The following REV3L variants were observed in gnomAD, a reference collection of about 807,000 sequenced individuals.
REV3L encodes REV3 like, DNA directed polymerase zeta catalytic subunit.
A neutral mutation model predicts 299.4 loss-of-function variants in REV3L; 69 were observed. That is an observed-to-expected ratio of 0.23 (90% confidence interval 0.19 to 0.28). The LOEUF is 0.28. Among genes scored for constraint, REV3L ranks in the 10% least tolerant of loss-of-function variants. The probability of loss-of-function intolerance (pLI) is 1.00; values close to 1 mark genes in which losing one functional copy is unlikely to be tolerated. For missense variants in REV3L, 3,128 were observed against 3,693.8 expected (o/e 0.85, Z 3.97); for synonymous variants, 1,238 against 1,271.4 (o/e 0.97, Z 0.56).
chr6:111,349,159 A>T, intron 20 of REV3L, 59 bp downstream of exon 20: 13 of 874,792 alleles, frequency 1.5e-5, no homozygotes, highest in Non-Finnish European at 2.5e-5. Flanking sequence ...TATAATGATT[A>T]AATCATTATA....
intron 1 of REV3L, among the ~76,000 whole-genome samples, chr6:111,442,174 T>C (rs1004429613): frequency 6.6e-6 from 1 of 152,236 alleles, no homozygotes; most frequent in African/African-American, 2.4e-5. Context: ...ACTGAGTTGG[T>C]TGACAGTGTT....
intron 21 of REV3L, 110 bp from the exon 22 acceptor site, chr6:111,335,720 G>A: frequency 9.0e-7 from 1 of 1,106,624 alleles, no homozygotes; most frequent in South Asian, 1.7e-5. Context: ...GTTACTTAAG[G>A]AAAGAGTAAT....
In REV3L at chr6:111,398,433, GAAAA is replaced by G. The variant is rs34635053; in HGVS notation, c.566-5465_566-5462del. 2.7e-5 allele frequency among the ~76,000 whole-genome samples: 4 copies of G among 147,922 alleles called. No individual in the cohort carries two copies. The South Asian group carries it at 8.6e-4, about 32-fold the overall frequency. On this transcript the variant is annotated intron_variant, in intron 4 of 31. Transcript: ENST00000368802. ...CATGTGGGGGGAAAAAAAGAAAAAA[GAAAA>G]AAAAAATTGTCCCATTTACATACTT... is the stretch of plus-strand genomic sequence containing the variant.
At chr6:111,332,704 TTAA>T (rs1775520708) in intron 23 of REV3L, among the ~76,000 whole-genome samples, 1 of 152,224 alleles carries the variant, frequency 6.6e-6, no homozygotes, top group Non-Finnish European at 1.5e-5. Flanking sequence ...TTTACATTAA[TTAA>T]TAAAACCTAA....
chr6:111,389,633 C>A (rs1313487279), intron 6 of REV3L, among the ~76,000 whole-genome samples: 1 of 151,572 alleles, frequency 6.6e-6, no homozygotes. Flanking sequence ...AGTATAGAAG[C>A]AATCTTCATA....
intron 3 of REV3L, among the ~76,000 whole-genome samples, chr6:111,409,562 C>A (rs1784030221): frequency 6.6e-6 from 1 of 152,016 alleles, no homozygotes; most frequent in Non-Finnish European, 1.5e-5. Flanking sequence ...ATACAAATCC[C>A]CTGAAAGGGT....
intron 5 of REV3L, among the ~76,000 whole-genome samples, chr6:111,390,617 G>A (rs979260221): frequency 2.0e-5 from 3 of 152,074 alleles, no homozygotes; most frequent in Non-Finnish European, 2.9e-5. Flanking sequence ...GGGAAGGTGA[G>A]CACACTGAGA....
chr6:111,470,997 A>AAAAT (rs1174605304), intron 1 of REV3L, among the ~76,000 whole-genome samples: 1 of 152,144 alleles, frequency 6.6e-6, no homozygotes, highest in Non-Finnish European at 1.5e-5. Context: ...TAAATAAATA[A>AAAAT]AAATAAATAA....
At chr6:111,430,782 G>A (rs1323653780) in intron 1 of REV3L, 14 of 1,607,100 alleles carry the variant, frequency 8.7e-6, no homozygotes, top group South Asian at 1.1e-5. Context: ...CAGCTTGACC[G>A]CATCGTGAAG....
At chr6:111,370,055 T>A (rs551063702) in intron 13 of REV3L, among the ~76,000 whole-genome samples, 35 of 152,210 alleles carry the variant, frequency 2.3e-4, no homozygotes, top group Middle Eastern at 3.4e-3. Flanking sequence ...ATGGTCTCGA[T>A]CTCCTGACCT....
chr6:111,470,174 TCA>T lies in REV3L; in HGVS notation c.139+12574_139+12575del, dbSNP rs6149753. ...TAAGAGTACCAGGGTTTACTATCTC[TCA>T]CACACACACACACACACACACACAC... is the stretch of plus-strand genomic sequence containing the variant. On this transcript the variant is annotated intron_variant, in intron 1 of 31. Transcript: ENST00000368802. Among the ~76,000 whole-genome samples, 844 of 150,320 alleles carry T rather than the reference TCA, an allele frequency of 5.6e-3. 5 individuals are homozygous for T. Among genetic ancestry groups the T allele is most frequent in the Non-Finnish European group, 8.7e-3 (584 of 67,376 alleles).
rs535179044 is a variant in REV3L at position 111,423,111 on chromosome 6, A to G, written c.140-6639T>C. 5.9e-5 allele frequency among the ~76,000 whole-genome samples: 9 copies of G among 151,502 alleles called. No individual in the cohort carries two copies. The South Asian group carries it at 1.7e-3, about 28-fold the overall frequency. ...TACTCAAGTAATTTGTGGAGACCCAATGTTTGGTGCTAAACCATAGGCTGC... is the reference window on the plus strand; with the variant it reads ...TACTCAAGTAATTTGTGGAGACCCAGTGTTTGGTGCTAAACCATAGGCTGC... On this transcript the variant is annotated intron_variant, in intron 1 of 31. Transcript: ENST00000368802.
intron 29 of REV3L, chr6:111,310,357 A>C (rs1201730909): frequency 3.5e-6 from 1 of 282,890 alleles, no homozygotes; most frequent in Non-Finnish European, 6.4e-6. Flanking sequence ...GCAGATATCA[A>C]CTAGCTTAAG....
At chr6:111,402,494 C>T (rs1028107085) in intron 4 of REV3L, among the ~76,000 whole-genome samples, 1 of 152,156 alleles carries the variant, frequency 6.6e-6, no homozygotes, top group Non-Finnish European at 1.5e-5. Flanking sequence ...GCGTTCTATT[C>T]CCTTTTGGCC....
intron 9 of REV3L, among the ~76,000 whole-genome samples, chr6:111,386,189 A>G (rs927498512): frequency 1.3e-5 from 2 of 152,230 alleles, no homozygotes; most frequent in African/African-American, 2.4e-5. Flanking sequence ...GCACATAGCC[A>G]TAAGGAGACA....
At chr6:111,441,008 T>C (rs1788202759) in intron 1 of REV3L, among the ~76,000 whole-genome samples, 1 of 152,248 alleles carries the variant, frequency 6.6e-6, no homozygotes, top group Admixed American at 6.5e-5. Flanking sequence ...TTTTCGCCTC[T>C]GGTTTCTTTC....
intron 4 of REV3L, among the ~76,000 whole-genome samples, chr6:111,400,532 T>C (rs1782978834): frequency 6.6e-6 from 1 of 152,228 alleles, no homozygotes; most frequent in South Asian, 2.1e-4. Context: ...ATATCTTCTT[T>C]AGGTCTTTTG....
At chr6:111,358,692 C>A in intron 17 of REV3L, 130 bp downstream of exon 17, 2 of 654,996 alleles carry the variant, frequency 3.1e-6, no homozygotes, top group Non-Finnish European at 5.0e-6. Flanking sequence ...AATCTCCTAC[C>A]CCTACCTCAG....
Position 111,454,736 on chromosome 6 carries a change from G to A in REV3L, c.139+28014C>T, listed in dbSNP as rs56396634. Among the ~76,000 whole-genome samples the A allele has an allele frequency of 1.6e-3, 243 of 152,066 alleles. 3 individuals are homozygous for A. Among genetic ancestry groups the A allele is most frequent in the African/African-American group, 5.3e-3 (218 of 41,476 alleles). On this transcript the variant is annotated intron_variant, in intron 1 of 31. Transcript: ENST00000368802. ...GGCTGGAGTGCAACGGCACGATCTCGGCTCACCACAACCTCCATCTCCCAG... is the reference window on the plus strand; with the variant it reads ...GGCTGGAGTGCAACGGCACGATCTCAGCTCACCACAACCTCCATCTCCCAG...
Sources: allele counts gnomAD v4.1 joint callset (sites outside exome capture counted in the v4.1 genomes callset), GRCh38; gene constraint gnomAD v4.1.1; transcripts MANE v1.5; gene names NCBI Gene and HGNC (gene_info 2026-07-23, HGNC 2026-07-21).